Variants in TEK observed in about 807,000 individuals in gnomAD.
TEK encodes angiopoietin-1 receptor.
Under a neutral mutation model 131.8 loss-of-function variants are expected in TEK, and 43 were observed. The ratio of observed to expected loss-of-function variants is 0.33; its 90% confidence interval spans 0.26 to 0.42. TEK has a LOEUF of 0.42. TEK is among the 10% of genes least tolerant of loss of function. The pLI is 1.00. For synonymous variants in TEK, 580 were observed against 491.6 expected, an observed-to-expected ratio of 1.18 and a Z score of -2.38; for missense variants, 1,162 against 1,384.4, an observed-to-expected ratio of 0.84 and a Z score of 2.55.
At chr9:27,209,053 C>T in intron 15 of TEK, 68 bp from the exon 16 acceptor site, 2 of 1,049,842 alleles carry the variant, frequency 1.9e-6, no homozygotes, top group Admixed American at 1.7e-5. Flanking sequence ...TCTTAGGGGG[C>T]AGGACGGGAC....
intron 18 of TEK, among the ~76,000 whole-genome samples, chr9:27,216,325 T>C (rs1825819055): frequency 1.3e-5 from 2 of 152,026 alleles, no homozygotes; most frequent in African/African-American, 4.8e-5. Flanking sequence ...GATGGTGGAC[T>C]GAACTGAGGT....
At chr9:27,195,783 G>C in intron 11 of TEK, 1 of 433,148 alleles carries the variant, frequency 2.3e-6, no homozygotes, top group Non-Finnish European at 4.6e-6. Flanking sequence ...TTACTCCTGA[G>C]TCTGGAAGAT....
chr9:27,206,459 C>A, intron 14 of TEK, 123 bp from the exon 15 acceptor site: 2 of 1,137,534 alleles, frequency 1.8e-6, no homozygotes, highest in Non-Finnish European at 1.3e-6. Context: ...ATTTCCCTTT[C>A]CAGTCTAGAA....
At chr9:27,192,116 T>G (rs1485599207) in intron 10 of TEK, among the ~76,000 whole-genome samples, 1 of 152,230 alleles carries the variant, frequency 6.6e-6, no homozygotes, top group African/African-American at 2.4e-5. Context: ...GATAGCTTGA[T>G]TGCAATCAGT....
intron 2 of TEK, among the ~76,000 whole-genome samples, chr9:27,165,903 G>C (rs563433580): frequency 1.1e-4 from 17 of 152,258 alleles, no homozygotes; most frequent in Non-Finnish European, 5.9e-5. Context: ...GCCCACAGCC[G>C]ATGAAAGCAA....
chr9:27,128,346 T>G (rs1159056185), intron 1 of TEK, among the ~76,000 whole-genome samples: 1 of 152,218 alleles, frequency 6.6e-6, no homozygotes, highest in African/African-American at 2.4e-5. Context: ...GTATCTCTTT[T>G]GGTAGCAGTA....
intron 1 of TEK, among the ~76,000 whole-genome samples, chr9:27,120,106 C>T (rs916485452): frequency 2.0e-5 from 3 of 152,184 alleles, no homozygotes; most frequent in African/African-American, 7.2e-5. Flanking sequence ...ACTTCAGAAT[C>T]GAAGAAGACG....
At chr9:27,166,051 G>C (rs1587541281) in intron 2 of TEK, among the ~76,000 whole-genome samples, 1 of 152,252 alleles carries the variant, frequency 6.6e-6, no homozygotes, top group African/African-American at 2.4e-5. Context: ...AGCCACGGAT[G>C]AGATGAGAAT....
chr9:27,180,461 T>G (rs1824325277), intron 7 of TEK, 93 bp downstream of exon 7: 1 of 1,523,386 alleles, frequency 6.6e-7, no homozygotes, highest in Non-Finnish European at 8.9e-7. Context: ...TCTAAGATCC[T>G]CAAGCCTCTT....
intron 1 of TEK, among the ~76,000 whole-genome samples, chr9:27,117,789 C>T (rs927258300): frequency 6.6e-6 from 1 of 152,152 alleles, no homozygotes; most frequent in Non-Finnish European, 1.5e-5. Context: ...AGCCCCTTGC[C>T]CAGGGCTTGA....
At chr9:27,138,278 T>A (rs1822580488) in intron 1 of TEK, among the ~76,000 whole-genome samples, 1 of 152,220 alleles carries the variant, frequency 6.6e-6, no homozygotes, top group Non-Finnish European at 1.5e-5. Flanking sequence ...TTTATTCCCT[T>A]ATTTGGCCCT....
chr9:27,129,315 G>C (rs991571004), intron 1 of TEK, among the ~76,000 whole-genome samples: 1 of 152,122 alleles, frequency 6.6e-6, no homozygotes, highest in East Asian at 1.9e-4. Context: ...AAGATGATTT[G>C]TGCTGTACAG....
chr9:27,229,423 A>G lies in TEK; in HGVS notation c.*191A>G. 1.6e-6 allele frequency: 1 copy of G among 631,868 alleles called. No individual in the cohort carries two copies. The highest frequency in any genetic ancestry group is 1.8e-5 in the South Asian group (1 of 56,976). 39.1% of individuals were successfully genotyped at this position (631,868 alleles called of 1,614,324 possible). A position where few individuals can be genotyped will look rare whatever the true frequency, so the allele number is the denominator to read the frequency against. On this transcript the variant is annotated 3_prime_UTR_variant, in exon 23 of 23. Transcript: ENST00000380036. ...TATGCTCTGACTCTAATAGGACTGT[A>G]TATACTGTTTTAAGAATGGGCTGAA...
At chr9:27,217,649 C>G (rs200881802) in intron 18 of TEK, 39 bp from the exon 19 acceptor site, 2 of 1,599,408 alleles carry the variant, frequency 1.3e-6, no homozygotes, top group South Asian at 1.1e-5. Context: ...CTTAAAGACC[C>G]TGTCCCAGTT....
intron 18 of TEK, 33 bp from the exon 19 acceptor site, chr9:27,217,655 C>CAGTTAAGTGAAATCTCACTT (rs1285102218): frequency 4.8e-5 from 77 of 1,604,878 alleles, no homozygotes; most frequent in Non-Finnish European, 6.2e-5. Context: ...GACCCTGTCC[C>CAGTTAAGTGAAATCTCACTT]AGTTAAGTGA....
chr9:27,208,281 T>A (rs1272923939), intron 15 of TEK, among the ~76,000 whole-genome samples: 2 of 152,158 alleles, frequency 1.3e-5, no homozygotes, highest in African/African-American at 4.8e-5. Context: ...TGTCACAGTT[T>A]CTAAGCATGA....
intron 2 of TEK, among the ~76,000 whole-genome samples, chr9:27,166,532 T>A (rs1823738204): frequency 6.6e-6 from 1 of 152,240 alleles, no homozygotes; most frequent in South Asian, 2.1e-4. Flanking sequence ...GTGAATAAAA[T>A]CTAACAAGGT....
intron 18 of TEK, among the ~76,000 whole-genome samples, chr9:27,213,892 A>T (rs1825722089): frequency 6.6e-6 from 1 of 152,212 alleles, no homozygotes. Flanking sequence ...AAGGCATCTC[A>T]CTCAGGAACC....
rs111594215 is a variant in TEK, at chr9:27,179,331, T to G, written c.902-909T>G. ...ATAGTTTCTATTTCCCTGCTGAAGT[T>G]TCTCATTGTTGCATTTGTTATGAAC... is the stretch of plus-strand genomic sequence containing the variant. On this transcript the variant is annotated intron_variant, in intron 6 of 22. Transcript: ENST00000380036. 3.8e-3 allele frequency among the ~76,000 whole-genome samples: 586 copies of G among 152,326 alleles called. 2 individuals are homozygous for G. The highest frequency in any genetic ancestry group is 0.014 in the African/African-American group (571 of 41,576).
Sources: gnomAD v4.1 joint callset for allele counts (sites outside exome capture counted in the v4.1 genomes callset) on GRCh38, gnomAD v4.1.1 for gene constraint, MANE v1.5 for transcripts, NCBI Gene and HGNC (gene_info 2026-07-23, HGNC 2026-07-21) for gene names.